The following EXOC6B variants were observed in gnomAD, a reference collection of about 807,000 sequenced individuals.
The protein encoded by EXOC6B is exocyst complex component 6B.
Under a neutral mutation model 113.5 loss-of-function variants are expected in EXOC6B, and 54 were observed. That is an observed-to-expected ratio of 0.48 (90% CI 0.38 to 0.60). The LOEUF (loss-of-function observed/expected upper bound fraction) is 0.60. Ranked by LOEUF, EXOC6B falls within the 20% of genes least tolerant of loss-of-function variation. The pLI is 0.00. For synonymous variants in EXOC6B, 357 were observed against 339.0 expected (o/e 1.05, Z -0.58); for missense variants, 797 against 977.5 (o/e 0.82, Z 2.46).
intron 8 of EXOC6B, among the ~76,000 whole-genome samples, chr2:72,527,001 C>T (rs138960612): frequency 9.9e-5 from 15 of 152,056 alleles, no homozygotes; most frequent in East Asian, 5.8e-4. Context: ...AAAATCAAGA[C>T]GCACATTTCC....
At chr2:72,653,013 T>C (rs1047957686) in intron 6 of EXOC6B, among the ~76,000 whole-genome samples, 1 of 151,770 alleles carries the variant, frequency 6.6e-6, no homozygotes, top group Non-Finnish European at 1.5e-5. Context: ...AAGAAAACAT[T>C]ACTCTTTTAT....
At chr2:72,425,787 T>G (rs182218080) in intron 18 of EXOC6B, among the ~76,000 whole-genome samples, 1 of 152,356 alleles carries the variant, frequency 6.6e-6, no homozygotes, top group East Asian at 1.9e-4. Flanking sequence ...TGTAAGTTTT[T>G]AGAGACAGAT....
At chr2:72,292,594 T>C (rs6711257) in intron 20 of EXOC6B, among the ~76,000 whole-genome samples, 29,384 of 151,856 alleles carry the variant, frequency 0.19, 3,295 homozygotes, top group African/African-American at 0.31. Context: ...ATCACATGTG[T>C]TGATTCATGT....
intron 2 of EXOC6B, among the ~76,000 whole-genome samples, chr2:72,736,621 A>G (rs962710830): frequency 6.6e-6 from 1 of 152,188 alleles, no homozygotes; most frequent in Non-Finnish European, 1.5e-5. Context: ...AAGAAATTTG[A>G]TGGAAGGCAA....
chr2:72,359,903 C>A (rs1019362682), intron 19 of EXOC6B, among the ~76,000 whole-genome samples: 6 of 152,038 alleles, frequency 3.9e-5, no homozygotes, highest in East Asian at 3.9e-4. Context: ...AAGACTGTGG[C>A]TCCTCCCCCA....
At chr2:72,790,737 C>A (rs1684628212) in intron 1 of EXOC6B, among the ~76,000 whole-genome samples, 1 of 152,124 alleles carries the variant, frequency 6.6e-6, no homozygotes, top group African/African-American at 2.4e-5. Flanking sequence ...CTTGATATCA[C>A]TACTATTCTC....
At chr2:72,654,127 G>T (rs531767840) in intron 6 of EXOC6B, among the ~76,000 whole-genome samples, 1 of 151,898 alleles carries the variant, frequency 6.6e-6, no homozygotes, top group Non-Finnish European at 1.5e-5. Flanking sequence ...CCACCATCGC[G>T]CCCGGCTAAT....
At chr2:72,692,258 AT>A (rs1558922882) in intron 6 of EXOC6B, among the ~76,000 whole-genome samples, 2 of 151,700 alleles carry the variant, frequency 1.3e-5, no homozygotes, top group African/African-American at 2.4e-5. Flanking sequence ...TTACTATATG[AT>A]TACTAATTCC....
At chr2:72,639,773 T>A (rs1673098651) in intron 6 of EXOC6B, among the ~76,000 whole-genome samples, 1 of 152,092 alleles carries the variant, frequency 6.6e-6, no homozygotes, top group South Asian at 2.1e-4. Flanking sequence ...CCCCCTAAAA[T>A]CTTCCAGAAA....
At chr2:72,715,426 A>AAT (rs979825364) in intron 6 of EXOC6B, among the ~76,000 whole-genome samples, 18 of 148,396 alleles carry the variant, frequency 1.2e-4, no homozygotes, top group Non-Finnish European at 1.8e-4. Context: ...ATACATTTAA[A>AAT]ATATATATAT....
chr2:72,577,184 T>C (rs539731078), intron 6 of EXOC6B, among the ~76,000 whole-genome samples: 1 of 152,206 alleles, frequency 6.6e-6, no homozygotes, highest in East Asian at 1.9e-4. Context: ...CATAAATACA[T>C]GGCTTCAGTA....
chr2:72,473,025 T>C (rs964593103), intron 17 of EXOC6B, among the ~76,000 whole-genome samples: 6 of 152,172 alleles, frequency 3.9e-5, no homozygotes, highest in African/African-American at 9.6e-5. Flanking sequence ...TTTTACACCA[T>C]TGTGATCTGG....
chr2:72,498,605 G>GTTT lies in EXOC6B; in HGVS notation c.1240-55_1240-54insAAA. ...TGTCTAAGGAAGGAGTTTTTTTTTC[G>GTTT]GTTTTTTTTTTTTTTGGCAAAATGA... On this transcript the variant is annotated intron_variant, in intron 12 of 21. Transcript: ENST00000272427. 4 of 1,172,932 alleles carry GTTT rather than the reference G, an allele frequency of 3.4e-6. No homozygotes were observed. In the East Asian group the frequency reaches 8.5e-5, roughly 25 times the overall value. 72.7% of individuals were successfully genotyped at this position (1,172,932 alleles called of 1,614,324 possible).
At chr2:72,455,312 T>C (rs566703249) in intron 18 of EXOC6B, among the ~76,000 whole-genome samples, 13 of 152,338 alleles carry the variant, frequency 8.5e-5, no homozygotes, top group African/African-American at 2.9e-4. Flanking sequence ...AACCCACTTA[T>C]TGGTATATTT....
intron 17 of EXOC6B, among the ~76,000 whole-genome samples, chr2:72,475,939 G>T (rs1437208174): frequency 6.6e-6 from 1 of 152,140 alleles, no homozygotes; most frequent in Non-Finnish European, 1.5e-5. Flanking sequence ...TGGCACCTAA[G>T]CTGGGAGGCA....
At chr2:72,706,107 T>G (rs1678856068) in intron 6 of EXOC6B, among the ~76,000 whole-genome samples, 1 of 152,214 alleles carries the variant, frequency 6.6e-6, no homozygotes, top group South Asian at 2.1e-4. Context: ...GGTCAAGTCC[T>G]TCTTCACTTA....
At chr2:72,326,617 C>T (rs1024889319) in intron 20 of EXOC6B, among the ~76,000 whole-genome samples, 4 of 151,974 alleles carry the variant, frequency 2.6e-5, no homozygotes, top group Admixed American at 2.6e-4. Flanking sequence ...GATGCTGGCA[C>T]CACGTCCACA....
At chr2:72,392,881 C>A (rs1469658876) in intron 18 of EXOC6B, among the ~76,000 whole-genome samples, 1 of 152,092 alleles carries the variant, frequency 6.6e-6, no homozygotes, top group African/African-American at 2.4e-5. Flanking sequence ...ACTGAAAGCA[C>A]AAAGTGCTCA....
chr2:72,452,473 G>A (rs1394046229), intron 18 of EXOC6B, among the ~76,000 whole-genome samples: 1 of 152,142 alleles, frequency 6.6e-6, no homozygotes, highest in Non-Finnish European at 1.5e-5. Context: ...ATCTACAGGA[G>A]TTCACAAGAA....
Sources: gnomAD v4.1 joint callset for allele counts (sites outside exome capture counted in the v4.1 genomes callset) on GRCh38, gnomAD v4.1.1 for gene constraint, MANE v1.5 for transcripts, NCBI Gene and HGNC (gene_info 2026-07-23, HGNC 2026-07-21) for gene names.